Variants in AOPEP observed in about 807,000 individuals in gnomAD.
AOPEP encodes aminopeptidase O (putative), also known as aminopeptidase O.
A neutral mutation model predicts 98.1 loss-of-function variants in AOPEP; 77 were observed. That is an observed-to-expected ratio of 0.78 (90% CI 0.65 to 0.95). The LOEUF (loss-of-function observed/expected upper bound fraction) is 0.95. Ranked by LOEUF, AOPEP falls within the 40% of genes least tolerant of loss-of-function variation. The probability of loss-of-function intolerance (pLI) is 0.00; values close to 1 mark genes in which losing one functional copy is unlikely to be tolerated. For missense variants in AOPEP, 1,024 were observed against 1,024.7 expected, an observed-to-expected ratio of 1.00 and a Z score of 0.01; for synonymous variants, 346 against 365.3, an observed-to-expected ratio of 0.95 and a Z score of 0.60.
chr9:94,747,371 G>A (rs1834751014), intron 1 of AOPEP, among the ~76,000 whole-genome samples: 1 of 152,146 alleles, frequency 6.6e-6, no homozygotes, highest in Admixed American at 6.5e-5. Flanking sequence ...CCACGGGTAT[G>A]AGTTTTGTAG....
rs891719566 is a variant in AOPEP, at chr9:94,774,756, G to T, written c.964+1588G>T. Among the ~76,000 whole-genome samples, 39 of 152,076 alleles carry T rather than the reference G, an allele frequency of 2.6e-4. 1 individual carries two copies. Among genetic ancestry groups the T allele is most frequent in the Non-Finnish European group, 5.3e-4 (36 of 68,022 alleles). ...AGTCAAAAGTTGGAACATGTTTAAG[G>T]TTGTTGGTACATATCCCATAATGTT... On this transcript the variant is annotated intron_variant, in intron 3 of 16. Transcript: ENST00000375315.
the AOPEP span, chr9:95,100,148 C>T: frequency 1.7e-5 from 4 of 232,778 alleles, no homozygotes; most frequent in Non-Finnish European, 2.5e-5. Context: ...AACCCCAACA[C>T]CTCTGACGAA....
chr9:95,028,157 T>TA (rs1016117402), intron 13 of AOPEP, among the ~76,000 whole-genome samples: 33 of 152,236 alleles, frequency 2.2e-4, no homozygotes, highest in African/African-American at 7.2e-4. Context: ...GGGAGGAAAA[T>TA]AGTGACAGAG....
chr9:94,832,830 A>G (rs1856285899), intron 5 of AOPEP, among the ~76,000 whole-genome samples: 1 of 149,996 alleles, frequency 6.7e-6, no homozygotes, highest in Admixed American at 6.6e-5. Flanking sequence ...TGATAAAAAA[A>G]TTTTAAGTGG....
intron 16 of AOPEP, chr9:95,086,395 C>G (rs2070702804): frequency 1.0e-6 from 1 of 985,318 alleles, no homozygotes; most frequent in Non-Finnish European, 1.2e-6. Flanking sequence ...CTGAGACTTT[C>G]TGAGAACAGT....
intron 2 of AOPEP, among the ~76,000 whole-genome samples, chr9:94,767,084 T>C (rs1355404992): frequency 6.6e-6 from 1 of 152,240 alleles, no homozygotes; most frequent in Non-Finnish European, 1.5e-5. Flanking sequence ...GAAGATGTTT[T>C]GGGAGAGATT....
At chr9:94,873,833 A>G (rs1228093070) in intron 5 of AOPEP, among the ~76,000 whole-genome samples, 1 of 152,182 alleles carries the variant, frequency 6.6e-6, no homozygotes, top group Non-Finnish European at 1.5e-5. Flanking sequence ...AGGTAGTAGA[A>G]GTTTCAGTAA....
At chr9:94,804,964 C>G (rs960703506) in intron 5 of AOPEP, among the ~76,000 whole-genome samples, 1 of 152,148 alleles carries the variant, frequency 6.6e-6, no homozygotes, top group African/African-American at 2.4e-5. Flanking sequence ...CTCCGGTCCA[C>G]AGGCCTCAAG....
At chr9:95,049,644 T>C (rs1410962587) in intron 13 of AOPEP, among the ~76,000 whole-genome samples, 1 of 152,206 alleles carries the variant, frequency 6.6e-6, no homozygotes, top group Non-Finnish European at 1.5e-5. Flanking sequence ...ATTTTACATA[T>C]GTAAAGGAAG....
intron 11 of AOPEP, chr9:95,004,185 G>C (rs1321708027): frequency 2.2e-6 from 1 of 455,484 alleles, no homozygotes; most frequent in Non-Finnish European, 4.4e-6. Flanking sequence ...TCTCCGCCCC[G>C]GCCCGCCCTC....
At chr9:94,979,272 G>A (rs953817228) in intron 10 of AOPEP, 95 bp from the exon 11 acceptor site, 16 of 766,190 alleles carry the variant, frequency 2.1e-5, no homozygotes, top group Middle Eastern at 2.3e-4. Context: ...CTGGAAGATC[G>A]ATGCTGTGAT....
At chr9:94,911,624 G>C (rs1220321397) in intron 5 of AOPEP, among the ~76,000 whole-genome samples, 1 of 152,142 alleles carries the variant, frequency 6.6e-6, no homozygotes, top group African/African-American at 2.4e-5. Flanking sequence ...ATAGAAATGT[G>C]ACTCTATGGC....
chr9:94,891,408 A>G (rs1312708666), intron 5 of AOPEP, among the ~76,000 whole-genome samples: 3 of 152,210 alleles, frequency 2.0e-5, no homozygotes, highest in Non-Finnish European at 1.5e-5. Flanking sequence ...ATTTAATGTA[A>G]TTATGATATG....
intron 1 of AOPEP, among the ~76,000 whole-genome samples, chr9:94,757,790 GT>G (rs1390615347): frequency 6.6e-6 from 1 of 151,954 alleles, no homozygotes; most frequent in African/African-American, 2.4e-5. Flanking sequence ...AATCAAACAA[GT>G]TTTTTCAAAG....
At chr9:94,873,677 A>G (rs1360384115) in intron 5 of AOPEP, among the ~76,000 whole-genome samples, 2 of 152,220 alleles carry the variant, frequency 1.3e-5, no homozygotes, top group African/African-American at 4.8e-5. Flanking sequence ...TAAAGAACAA[A>G]TTTAGTTTCC....
chr9:95,098,547 G>A, the AOPEP span, among the ~76,000 whole-genome samples: 1 of 152,136 alleles, frequency 6.6e-6, no homozygotes, highest in African/African-American at 2.4e-5. Context: ...CCGGAAGCAT[G>A]GGGAGTGCTG....
At chr9:94,763,958 G>T (rs1355329146) in intron 2 of AOPEP, among the ~76,000 whole-genome samples, 1 of 152,164 alleles carries the variant, frequency 6.6e-6, no homozygotes, top group Non-Finnish European at 1.5e-5. Context: ...TCCTCAAGGA[G>T]GTGGGGCATA....
intron 7 of AOPEP, chr9:94,933,470 G>A (rs1302614735): frequency 1.0e-6 from 1 of 985,274 alleles, no homozygotes; most frequent in Non-Finnish European, 1.2e-6. Flanking sequence ...GCTTTAAGGA[G>A]GTGCAACAGG....
chr9:94,820,216 G>T (rs889936755), intron 5 of AOPEP, among the ~76,000 whole-genome samples: 6 of 152,104 alleles, frequency 3.9e-5, no homozygotes, highest in African/African-American at 1.4e-4. Flanking sequence ...AAAGTGCTGG[G>T]ATTACAGGTG....
Sources: gnomAD v4.1 joint callset for allele counts (sites outside exome capture counted in the v4.1 genomes callset) on GRCh38, gnomAD v4.1.1 for gene constraint, MANE v1.5 for transcripts, NCBI Gene and HGNC (gene_info 2026-07-23, HGNC 2026-07-21) for gene names.